The following GNL3L variants were observed in gnomAD, a reference collection of about 807,000 sequenced individuals.
The protein encoded by GNL3L is G protein nucleolar 3 like.
GNL3L carries 4 observed loss-of-function variants against 42.9 expected under a neutral mutation model. That is an observed-to-expected ratio of 0.09 (90% CI 0.05 to 0.21). The LOEUF (loss-of-function observed/expected upper bound fraction) is 0.21, where lower values mean the gene tolerates loss of function less well. GNL3L is among the 10% of genes least tolerant of loss of function. GNL3L has a pLI of 1.00. For synonymous variants in GNL3L, 159 were observed against 176.3 expected (o/e 0.90, Z 0.78); for missense variants, 412 against 481.7 (o/e 0.86, Z 1.36).
At chrX:54,641,138 G>A in the GNL3L span, among the ~76,000 whole-genome samples, 1 of 110,985 alleles carries the variant, frequency 9.0e-6, no homozygotes, top group African/African-American at 3.3e-5. Context: ...AACAGTTTTT[G>A]CCCTTCTCTG....
At chrX:54,607,071 T>C (rs1295221255) in intron 16 of GNL3L, among the ~76,000 whole-genome samples, 4 of 45,939 alleles carry the variant, frequency 8.7e-5, no homozygotes, top group African/African-American at 6.6e-4. Flanking sequence ...TTTCTTTCTT[T>C]CTCTTTCTTT....
intron 8 of GNL3L, among the ~76,000 whole-genome samples, chrX:54,546,522 T>G (rs2147482010): frequency 8.9e-6 from 1 of 112,200 alleles, no homozygotes; most frequent in Non-Finnish European, 1.9e-5. Context: ...CTCCCACCAG[T>G]GGGGTAGATG....
Position 54,548,232 on chromosome X carries a change from C to T in GNL3L, c.634C>T (p.Arg212Cys), listed in dbSNP as rs200669121. ...GATATTCAATTTTTTTTTCCAGAAT[C>T]GTTGCAGTGTGCCAGTAGATCAGGC... Reference protein sequence around the residue: ...STQHQVKNLNRCSVPVDQASE... With the variant: ...STQHQVKNLNCCSVPVDQASE... Residue 212 changes from arginine (R) to cysteine (C), a missense_variant, in exon 9 of 16, where the codon CGT becomes TGT. Coordinates refer to ENST00000360845, the MANE Select transcript of GNL3L (RefSeq NM_001184819.2). 3.7e-5 allele frequency: 44 copies of T among 1,202,558 alleles called. No individual in the cohort carries two copies. In the South Asian group the frequency reaches 3.9e-4, roughly 11 times the overall value.
chrX:54,621,206 C>T (rs779405111), exon 17 of GNL3L, among the ~76,000 whole-genome samples: 5 of 111,684 alleles, frequency 4.5e-5, no homozygotes, highest in Non-Finnish European at 9.4e-5. Flanking sequence ...GCTGTGTGAC[C>T]TTTTAGGCTA....
intron 10 of GNL3L, 125 bp from the exon 11 acceptor site, chrX:54,551,443 T>G (rs1924933520): frequency 3.8e-6 from 2 of 525,584 alleles, no homozygotes; most frequent in Admixed American, 6.6e-5. Flanking sequence ...ACTCTACATC[T>G]CTCCACCTTC....
downstream of GNL3L, among the ~76,000 whole-genome samples, chrX:54,625,056 G>A (rs377019071): frequency 2.0e-4 from 22 of 110,743 alleles, no homozygotes; most frequent in African/African-American, 7.2e-4. Context: ...TAAGGTACTG[G>A]GGTTTGGGAC....
intron 15 of GNL3L, among the ~76,000 whole-genome samples, chrX:54,559,329 A>G (rs1925193838): frequency 1.8e-5 from 2 of 111,418 alleles, no homozygotes; most frequent in Admixed American, 9.6e-5. Context: ...CTATATATCA[A>G]TAGGCAATAT....
intron 4 of GNL3L, among the ~76,000 whole-genome samples, chrX:54,540,666 C>CT (rs950717123): frequency 1.7e-4 from 19 of 110,137 alleles, no homozygotes; most frequent in African/African-American, 4.6e-4. Flanking sequence ...CCTTTCTTAT[C>CT]TTTTTTTTTG....
chrX:54,578,420 A>C (rs1171135929), intron 16 of GNL3L, among the ~76,000 whole-genome samples: 3 of 112,457 alleles, frequency 2.7e-5, no homozygotes. Context: ...CACTACAGTT[A>C]GGATAAATTA....
intron 16 of GNL3L, among the ~76,000 whole-genome samples, chrX:54,599,762 T>A (rs1164643544): frequency 9.0e-6 from 1 of 111,096 alleles, no homozygotes; most frequent in Admixed American, 9.6e-5. Context: ...CTATTTTCTC[T>A]CTGTTTCTCT....
intron 16 of GNL3L, among the ~76,000 whole-genome samples, chrX:54,575,455 G>A (rs944071435): frequency 1.2e-4 from 14 of 112,387 alleles, no homozygotes; most frequent in African/African-American, 4.2e-4. Flanking sequence ...TAATAAGGCC[G>A]AGTGCAGTGG....
At chrX:54,575,119 C>A (rs931780870) in intron 16 of GNL3L, among the ~76,000 whole-genome samples, 4 of 111,521 alleles carry the variant, frequency 3.6e-5, no homozygotes, top group African/African-American at 9.8e-5. Flanking sequence ...TTTGTAGATT[C>A]CTGCTCTAAT....
exon 17 of GNL3L, among the ~76,000 whole-genome samples, chrX:54,621,264 T>C (rs12353815): frequency 0.15 from 16,537 of 111,674 alleles, 1,977 homozygotes; most frequent in African/African-American, 0.41. Flanking sequence ...GGAACACTTA[T>C]ACTTGTAGCC....
At chrX:54,637,406 T>C in the GNL3L span, among the ~76,000 whole-genome samples, 1 of 112,175 alleles carries the variant, frequency 8.9e-6, no homozygotes, top group East Asian at 2.8e-4. Flanking sequence ...TGTGTGTGTG[T>C]ATACACACAT....
In GNL3L at chrX:54,561,796, A is replaced by C. The variant is rs919475601; in HGVS notation, c.*1194A>C. Among the ~76,000 whole-genome samples, 3 of 111,324 alleles carry C rather than the reference A, an allele frequency of 2.7e-5. No homozygotes were observed. Among genetic ancestry groups the C allele is most frequent in the Non-Finnish European group, 5.7e-5 (3 of 53,015 alleles). The stretch of plus-strand genomic sequence containing the variant: ...GAGTGTACCAGCCAACTCCTTTTCC[A>C]GTGTCTGTAAGTCACCTCATTAAAG... On this transcript the variant is annotated 3_prime_UTR_variant, in exon 16 of 16. Coordinates refer to ENST00000360845, the MANE Select transcript of GNL3L (RefSeq NM_001184819.2).
At chrX:54,541,519 A>C in intron 5 of GNL3L, 130 bp downstream of exon 5, 1 of 276,108 alleles carries the variant, frequency 3.6e-6, no homozygotes. Context: ...ATAGAAAACC[A>C]TGGGGACGGA....
the GNL3L span, among the ~76,000 whole-genome samples, chrX:54,635,417 A>C: frequency 8.9e-6 from 1 of 112,031 alleles, no homozygotes; most frequent in African/African-American, 3.2e-5. Context: ...TTCCTCAGGA[A>C]TAGTTTCTGT....
intron 16 of GNL3L, among the ~76,000 whole-genome samples, chrX:54,580,813 C>G (rs1478309322): frequency 8.9e-6 from 1 of 112,403 alleles, no homozygotes; most frequent in East Asian, 2.8e-4. Context: ...TAGAGTCTCA[C>G]TCTGTCACCC....
intron 16 of GNL3L, among the ~76,000 whole-genome samples, chrX:54,575,869 C>G (rs774396952): frequency 1.2e-3 from 134 of 112,346 alleles, no homozygotes; most frequent in African/African-American, 4.3e-3. Context: ...GAGATCGCAC[C>G]ATTGCACTCC....
Sources: allele counts gnomAD v4.1 joint callset (sites outside exome capture counted in the v4.1 genomes callset), GRCh38; gene constraint gnomAD v4.1.1; transcripts MANE v1.5; gene names NCBI Gene and HGNC (gene_info 2026-07-23, HGNC 2026-07-21).